The following ADAMTS16 variants were observed in gnomAD, a reference collection of about 807,000 sequenced individuals.
ADAMTS16 encodes the protein A disintegrin and metalloproteinase with thrombospondin motifs 16.
A neutral mutation model predicts 145.8 loss-of-function variants in ADAMTS16; 94 were observed. The observed-to-expected ratio is 0.64, with a 90% confidence interval of 0.55 to 0.77. ADAMTS16 has a LOEUF of 0.77. Ranked by LOEUF, ADAMTS16 falls within the 30% of genes least tolerant of loss-of-function variation. ADAMTS16 has a pLI of 0.00. For missense variants in ADAMTS16, 1,585 were observed against 1,591.5 expected (o/e 1.00, Z 0.07); for synonymous variants, 659 against 604.3 (o/e 1.09, Z -1.33).
At chr5:5,186,833 A>T (rs183721410) in intron 5 of ADAMTS16, among the ~76,000 whole-genome samples, 1 of 152,212 alleles carries the variant, frequency 6.6e-6, no homozygotes, top group Admixed American at 6.5e-5. Context: ...ATAACAGAAG[A>T]CAAAATATTG....
intron 18 of ADAMTS16, among the ~76,000 whole-genome samples, chr5:5,297,746 A>G (rs1053998906): frequency 7.9e-5 from 12 of 152,216 alleles, no homozygotes; most frequent in African/African-American, 2.9e-4. Context: ...GATGACGCCC[A>G]CAGCGCTGCC....
At chr5:5,233,119 A>G (rs1314203736) in intron 12 of ADAMTS16, among the ~76,000 whole-genome samples, 6 of 152,228 alleles carry the variant, frequency 3.9e-5, no homozygotes, top group Admixed American at 3.9e-4. Flanking sequence ...TCTGCTTAAA[A>G]CAAATAAATA....
intron 3 of ADAMTS16, among the ~76,000 whole-genome samples, chr5:5,178,634 C>T (rs1735257836): frequency 6.6e-6 from 1 of 152,084 alleles, no homozygotes; most frequent in African/African-American, 2.4e-5. Context: ...AATATTGTAA[C>T]TCAGACTAAA....
At chr5:5,195,181 G>A (rs1045497209) in intron 8 of ADAMTS16, among the ~76,000 whole-genome samples, 7 of 152,140 alleles carry the variant, frequency 4.6e-5, no homozygotes, top group Admixed American at 4.6e-4. Context: ...ACTGAGATAT[G>A]TGTTCTCCTG....
At chr5:5,263,454 G>A (rs1005512849) in intron 18 of ADAMTS16, among the ~76,000 whole-genome samples, 2 of 152,252 alleles carry the variant, frequency 1.3e-5, no homozygotes, top group African/African-American at 4.8e-5. Flanking sequence ...ACAGAAGGTT[G>A]TGAAAACCAA....
chr5:5,231,855 T>C (rs1014024324), intron 11 of ADAMTS16, among the ~76,000 whole-genome samples: 9 of 152,278 alleles, frequency 5.9e-5, no homozygotes, highest in African/African-American at 2.2e-4. Flanking sequence ...TAACATGGCA[T>C]CAGTTAATCG....
chr5:5,232,216 T>C, intron 11 of ADAMTS16, 152 bp from the exon 12 acceptor site: 1 of 764,830 alleles, frequency 1.3e-6, no homozygotes. Context: ...GAATGTACTG[T>C]ATTTATATTA....
intron 21 of ADAMTS16, among the ~76,000 whole-genome samples, chr5:5,308,637 G>A (rs1372578663): frequency 1.3e-5 from 2 of 152,090 alleles, no homozygotes; most frequent in Non-Finnish European, 2.9e-5. Context: ...TGTGGGCCCC[G>A]AGCCTAGTAA....
chr5:5,232,635 G>T (rs534999046), intron 12 of ADAMTS16, 119 bp downstream of exon 12: 1 of 1,259,254 alleles, frequency 7.9e-7, no homozygotes, highest in Non-Finnish European at 1.1e-6. Flanking sequence ...ATGGAGTCTC[G>T]CTCTGTCACC....
intron 3 of ADAMTS16, among the ~76,000 whole-genome samples, chr5:5,161,903 G>A (rs967534265): frequency 6.6e-6 from 1 of 152,150 alleles, no homozygotes; most frequent in South Asian, 2.1e-4. Flanking sequence ...TTTATGCAAA[G>A]GGCATTATTT....
At chr5:5,144,827 G>A (rs1317252445) in intron 2 of ADAMTS16, among the ~76,000 whole-genome samples, 5 of 152,198 alleles carry the variant, frequency 3.3e-5, no homozygotes, top group South Asian at 2.1e-4. Flanking sequence ...TAGGGTGCTC[G>A]TGAACATTCC....
chr5:5,309,900 G>A (rs1219494222), intron 21 of ADAMTS16, among the ~76,000 whole-genome samples: 3 of 151,542 alleles, frequency 2.0e-5, no homozygotes, highest in Non-Finnish European at 2.9e-5. Context: ...GAAAGCAAAC[G>A]GAATGTGGCC....
chr5:5,203,213 C>T (rs1234382283), intron 9 of ADAMTS16, among the ~76,000 whole-genome samples: 3 of 152,164 alleles, frequency 2.0e-5, no homozygotes, highest in African/African-American at 7.2e-5. Context: ...CCAAGAAAGT[C>T]TCTTGTTGTT....
At chr5:5,221,019 G>A (rs905606899) in intron 10 of ADAMTS16, among the ~76,000 whole-genome samples, 1 of 152,100 alleles carries the variant, frequency 6.6e-6, no homozygotes, top group African/African-American at 2.4e-5. Context: ...GGAGGCCTCT[G>A]TGAGCCGCCC....
intron 17 of ADAMTS16, among the ~76,000 whole-genome samples, chr5:5,249,233 A>G (rs1737546724): frequency 2.0e-5 from 3 of 152,214 alleles, no homozygotes; most frequent in African/African-American, 7.2e-5. Flanking sequence ...GTCTCTGATT[A>G]AGGACCCAAG....
At chr5:5,212,846 T>C (rs1362849013) in intron 10 of ADAMTS16, among the ~76,000 whole-genome samples, 1 of 152,236 alleles carries the variant, frequency 6.6e-6, no homozygotes, top group Non-Finnish European at 1.5e-5. Context: ...TAGTCTCATT[T>C]CTATTTTGTT....
chr5:5,162,759 A>G (rs866570770), intron 3 of ADAMTS16, among the ~76,000 whole-genome samples: 3 of 150,094 alleles, frequency 2.0e-5, no homozygotes, highest in African/African-American at 7.4e-5. Flanking sequence ...AGAGAAGAGA[A>G]GAGAGGAGAG....
chr5:5,208,684 T>C (rs1736195280), intron 9 of ADAMTS16, among the ~76,000 whole-genome samples: 1 of 152,190 alleles, frequency 6.6e-6, no homozygotes, highest in Non-Finnish European at 1.5e-5. Context: ...CAAAGAAAGT[T>C]CCAGTCTTTG....
intron 18 of ADAMTS16, among the ~76,000 whole-genome samples, chr5:5,270,109 A>G (rs935313647): frequency 2.0e-5 from 3 of 152,176 alleles, no homozygotes; most frequent in Non-Finnish European, 4.4e-5. Context: ...TGTGAACCCA[A>G]TGCCATGCTT....
Sources: gnomAD v4.1 joint callset for allele counts (sites outside exome capture counted in the v4.1 genomes callset) on GRCh38, gnomAD v4.1.1 for gene constraint, MANE v1.5 for transcripts, NCBI Gene and HGNC (gene_info 2026-07-23, HGNC 2026-07-21) for gene names.